The following SNX2 variants were observed in gnomAD, a reference collection of about 807,000 sequenced individuals.
SNX2 encodes sorting nexin 2.
SNX2 carries 25 observed loss-of-function variants against 69.9 expected under a neutral mutation model. The ratio of observed to expected loss-of-function variants is 0.36; its 90% CI spans 0.26 to 0.50. The LOEUF (loss-of-function observed/expected upper bound fraction) is 0.50. Ranked by LOEUF, SNX2 falls within the 20% of genes least tolerant of loss-of-function variation. The pLI is 0.97. For synonymous variants in SNX2, 229 were observed against 200.4 expected (o/e 1.14, Z -1.20); for missense variants, 551 against 613.3 (o/e 0.90, Z 1.07).
chr5:122,827,260 A>AT (rs1461526688), intron 12 of SNX2, 119 bp from the exon 13 acceptor site: 3 of 740,012 alleles, frequency 4.1e-6, no homozygotes, highest in Non-Finnish European at 6.8e-6. Context: ...TAAATTGTGC[A>AT]TTGCCAATAT....
At chr5:122,798,131 AAT>A (rs1375070667) in intron 2 of SNX2, among the ~76,000 whole-genome samples, 3 of 151,788 alleles carry the variant, frequency 2.0e-5, no homozygotes, top group Admixed American at 1.3e-4. Context: ...TATTGTTGTA[AAT>A]ATCTCACACT....
chr5:122,819,559 T>G (rs1476316301), intron 11 of SNX2, among the ~76,000 whole-genome samples: 1 of 152,234 alleles, frequency 6.6e-6, no homozygotes, highest in Admixed American at 6.5e-5. Flanking sequence ...ACTTATATAA[T>G]AGTCCAATTT....
chr5:122,781,096 T>C (rs1289629603), intron 1 of SNX2, among the ~76,000 whole-genome samples: 9 of 152,180 alleles, frequency 5.9e-5, no homozygotes, highest in African/African-American at 2.2e-4. Flanking sequence ...GAATGAATTA[T>C]TTTTAGATCC....
At chr5:122,801,610 A>G (rs890695107) in intron 3 of SNX2, among the ~76,000 whole-genome samples, 9 of 151,126 alleles carry the variant, frequency 6.0e-5, no homozygotes, top group African/African-American at 2.0e-4. Context: ...ATCTTTAAAA[A>G]AAAAAAAAAA....
intron 4 of SNX2, 62 bp downstream of exon 4, chr5:122,801,997 T>G: frequency 6.6e-7 from 1 of 1,521,724 alleles, no homozygotes; most frequent in South Asian, 1.1e-5. Context: ...TTTGTATGGT[T>G]TTTCTTCATA....
Position 122,817,260 on chromosome 5 carries a change from A to AT in SNX2, c.913-15dup, listed in dbSNP as rs1561470765. The AT allele has an allele frequency of 6.2e-7, 1 of 1,607,736 alleles. No individual in the cohort carries two copies. The highest frequency in any genetic ancestry group is 1.7e-5 in the Admixed American group (1 of 59,880). On this transcript the variant is annotated intron_variant, in intron 9 of 14. Coordinates refer to ENST00000379516, the MANE Select transcript of SNX2 (RefSeq NM_003100.4). ...GGTTTGTTCTTCCTAAATTAGCTCC[A>AT]TTTTTCATTTTTTTCTTAGTGGTTT... is the stretch of plus-strand genomic sequence containing the variant.
At chr5:122,813,351 TTTTAGTATATGTA>T (rs765319838) in intron 7 of SNX2, among the ~76,000 whole-genome samples, 4 of 152,120 alleles carry the variant, frequency 2.6e-5, no homozygotes, top group African/African-American at 9.7e-5. Flanking sequence ...TACATGTATT[TTTTAGTATATGTA>T]TTTAGTATAT....
At chr5:122,821,506 A>C (rs1581646022) in intron 11 of SNX2, among the ~76,000 whole-genome samples, 1 of 144,040 alleles carries the variant, frequency 6.9e-6, no homozygotes, top group Non-Finnish European at 1.5e-5. Context: ...CCCAGGCTGG[A>C]GTGCAGTGGC....
chr5:122,801,081 C>T (rs543185427), intron 3 of SNX2, among the ~76,000 whole-genome samples: 43 of 152,072 alleles, frequency 2.8e-4, no homozygotes, highest in Non-Finnish European at 5.6e-4. Context: ...AGTTGCTTTT[C>T]AGTATAATCA....
rs1174912867 is a variant in SNX2, at chr5:122,775,323, G to T, written c.108+112G>T. 4 of 1,415,644 alleles carry T rather than the reference G, an allele frequency of 2.8e-6. No individual in the cohort carries two copies. The East Asian group carries it at 8.6e-5, about 30-fold the overall frequency. The allele number at this position is 1,415,644 out of a possible 1,614,324, so 87.7% of individuals were successfully genotyped here. ...CCGTGTTTGCAAGGACCGTCTTGGG[G>T]TGACACCTGTGACGCGAGCCCCACC... is the stretch of plus-strand genomic sequence containing the variant. On this transcript the variant is annotated intron_variant, in intron 1 of 14. Transcript: ENST00000379516.
rs755832748 is a variant in SNX2 at position 122,799,828 on chromosome 5, C to T, written c.363C>T (p.Pro121=). The T allele has an allele frequency of 5.6e-6, 9 of 1,612,002 alleles. No individual in the cohort carries two copies. Among genetic ancestry groups the T allele is most frequent in the East Asian group, 2.2e-5 (1 of 44,818 alleles). ...PRIESKSMSA[P]VIFDRSREEI... is the part of the protein sequence containing the mutation. ...TTGAATCAAAGAGTATGTCTGCTCCCGTGATCTTTGATAGATCCAGGGAAG... is the reference window on the plus strand; with the variant it reads ...TTGAATCAAAGAGTATGTCTGCTCCTGTGATCTTTGATAGATCCAGGGAAG... Residue 121 remains proline, a synonymous_variant, in exon 3 of 15, where the codon CCC becomes CCT. Transcript: ENST00000379516.
At position 122,797,096 on chromosome 5, in the gene SNX2, T is replaced by G. The variant is rs1157890460; in HGVS notation, c.226+1713T>G. 2.6e-5 allele frequency among the ~76,000 whole-genome samples: 4 copies of G among 152,212 alleles called. 1 individual carries two copies. The highest frequency in any genetic ancestry group is 9.7e-5 in the African/African-American group (4 of 41,450). Reference sequence around the variant, plus strand: ...ACATGTGCCACTATACCTGGCTAATTTATTCATGTTTTGTTGAGATGGGAT... The same window carrying G: ...ACATGTGCCACTATACCTGGCTAATGTATTCATGTTTTGTTGAGATGGGAT... On this transcript the variant is annotated intron_variant, in intron 2 of 14. Coordinates refer to ENST00000379516, the MANE Select transcript of SNX2 (RefSeq NM_003100.4).
At chr5:122,810,214 A>G (rs1294713267) in intron 7 of SNX2, among the ~76,000 whole-genome samples, 3 of 150,908 alleles carry the variant, frequency 2.0e-5, no homozygotes, top group Non-Finnish European at 4.4e-5. Flanking sequence ...CATGCTCGTT[A>G]AGAGTCATCA....
chr5:122,800,372 G>A (rs1477333296), intron 3 of SNX2, among the ~76,000 whole-genome samples: 1 of 151,988 alleles, frequency 6.6e-6, no homozygotes, highest in Non-Finnish European at 1.5e-5. Context: ...AGTCATTCAT[G>A]GAAATATGTC....
chr5:122,779,794 G>T (rs1248561832), intron 1 of SNX2, among the ~76,000 whole-genome samples: 1 of 152,090 alleles, frequency 6.6e-6, no homozygotes, highest in Non-Finnish European at 1.5e-5. Context: ...TTTGTTAATA[G>T]GTAAATGTGT....
intron 2 of SNX2, among the ~76,000 whole-genome samples, chr5:122,797,151 C>T (rs1006551538): frequency 6.6e-6 from 1 of 152,340 alleles, no homozygotes; most frequent in African/African-American, 2.4e-5. Context: ...TGGTCTTGAA[C>T]TCCTGGCCTC....
intron 1 of SNX2, among the ~76,000 whole-genome samples, chr5:122,776,093 A>G (rs1280443821): frequency 6.6e-6 from 1 of 152,162 alleles, no homozygotes; most frequent in Admixed American, 6.5e-5. Context: ...TCACAGCCTA[A>G]TTTTAAGTGT....
At chr5:122,803,403 T>C (rs1561458193) in intron 5 of SNX2, 69 bp from the exon 6 acceptor site, 1 of 1,442,618 alleles carries the variant, frequency 6.9e-7, no homozygotes, top group Non-Finnish European at 9.4e-7. Context: ...TTCACAATTA[T>C]GTATAACATT....
Position 122,815,951 on chromosome 5 carries a change from C to T in SNX2, c.778C>T (p.Gln260Ter), listed in dbSNP as rs1169751567. ...TTTACTACAGGATCCTGATTTAAGG[C>T]AGTTCTTGGAAAGTTCAGAGGTATT... ...PTLLQDPDLR[Q>*]FLESSELPRA... Residue 260 changes from glutamine to a stop codon, truncating the protein, a stop_gained, in exon 8 of 15, where the codon CAG becomes TAG. Coordinates refer to ENST00000379516, the MANE Select transcript of SNX2 (RefSeq NM_003100.4). LOFTEE classifies it high-confidence loss of function. The T allele has an allele frequency of 6.3e-7, 1 of 1,596,810 alleles. No individual in the cohort carries two copies. Among genetic ancestry groups the T allele is most frequent in the Admixed American group, 1.7e-5 (1 of 58,548 alleles).
Sources: allele counts gnomAD v4.1 joint callset (sites outside exome capture counted in the v4.1 genomes callset), GRCh38; gene constraint gnomAD v4.1.1; transcripts MANE v1.5; gene names NCBI Gene and HGNC (gene_info 2026-07-23, HGNC 2026-07-21).